ALG13: variants seen among roughly 807,000 people sequenced by gnomAD.
ALG13 encodes ALG13 UDP-N-acetylglucosaminyltransferase subunit.
A neutral mutation model predicts 87.8 loss-of-function variants in ALG13; 11 were observed. That is an observed-to-expected ratio of 0.13 (90% CI 0.08 to 0.21). The LOEUF is 0.21. Ranked by LOEUF, ALG13 falls within the 10% of genes least tolerant of loss-of-function variation. ALG13 has a pLI of 1.00. For synonymous variants in ALG13, 320 were observed against 306.3 expected, an observed-to-expected ratio of 1.04 and a Z score of -0.47; for missense variants, 756 against 866.1, an observed-to-expected ratio of 0.87 and a Z score of 1.60.
chrX:111,719,524 A>T (rs924405757), intron 10 of ALG13, among the ~76,000 whole-genome samples: 2 of 112,204 alleles, frequency 1.8e-5, no homozygotes, highest in Non-Finnish European at 3.8e-5. Context: ...AAAACAGCAC[A>T]TTTTTCTCAC....
chrX:111,751,164 G>A (rs780322343), intron 24 of ALG13, among the ~76,000 whole-genome samples: 6 of 105,797 alleles, frequency 5.7e-5, no homozygotes, highest in Non-Finnish European at 1.2e-4. Flanking sequence ...CACCTCCCAG[G>A]TTCAAGTGAT....
At chrX:111,757,886 T>C in intron 26 of ALG13, 124 bp downstream of exon 26, 1 of 651,718 alleles carries the variant, frequency 1.5e-6, no homozygotes, top group East Asian at 3.6e-5. Flanking sequence ...AAGCATGATA[T>C]GTGGACCTCT....
intron 24 of ALG13, among the ~76,000 whole-genome samples, chrX:111,748,096 T>C (rs1161095946): frequency 8.9e-6 from 1 of 112,465 alleles, no homozygotes; most frequent in Non-Finnish European, 1.9e-5. Context: ...TATATATCTT[T>C]GGTGAAACAT....
intron 24 of ALG13, among the ~76,000 whole-genome samples, chrX:111,745,453 G>T (rs772698247): frequency 3.6e-5 from 4 of 110,637 alleles, no homozygotes; most frequent in Non-Finnish European, 7.6e-5. Context: ...TTTCTCAAGA[G>T]AATTATAGTT....
At chrX:111,733,147 T>C (rs1162220678) in intron 21 of ALG13, among the ~76,000 whole-genome samples, 2 of 111,710 alleles carry the variant, frequency 1.8e-5, no homozygotes, top group Non-Finnish European at 3.8e-5. Context: ...TAATTTTTAA[T>C]TTCAATAGGT....
intron 19 of ALG13, among the ~76,000 whole-genome samples, chrX:111,730,117 A>C (rs1345677621): frequency 1.8e-5 from 2 of 112,294 alleles, no homozygotes; most frequent in Non-Finnish European, 3.8e-5. Context: ...CTGTAGCCTC[A>C]CTGGAAAAAT....
chrX:111,700,579 T>G, intron 3 of ALG13, among the ~76,000 whole-genome samples: 1 of 106,210 alleles, frequency 9.4e-6, no homozygotes, highest in East Asian at 3.0e-4. Context: ...TTTTTTGTTT[T>G]TTTTTGTTTT....
chrX:111,705,772 T>C (rs1312181471), intron 3 of ALG13, among the ~76,000 whole-genome samples: 2 of 111,209 alleles, frequency 1.8e-5, no homozygotes, highest in Non-Finnish European at 3.8e-5. Context: ...TTTGTGTGGA[T>C]CTACTTCTGT....
Position 111,727,370 on chromosome X carries a change from G to T in ALG13, c.2015G>T (p.Gly672Val). ...TTTATAAACAGGCACAACATGCCGG[G>T]CCCTAAAGTTGATTTTTACCCAGGC... ...SRFINRHNMP[G>V]PKVDFYPGPG... Residue 672 changes from glycine to valine, a missense_variant, in exon 17 of 27, where the codon GGC (glycine) becomes GTC (valine). Gly to Val is a moderately radical substitution (Grantham distance 109). Around this residue, in one of 9 missense-constraint regions of ALG13, gnomAD observed 362 missense variants for 383.5 expected, o/e 0.94. Transcript: ENST00000394780. 1 of 1,209,849 alleles carries T rather than the reference G, an allele frequency of 8.3e-7. No individual in the cohort carries two copies. The highest frequency in any genetic ancestry group is 1.1e-6 in the Non-Finnish European group (1 of 894,428).
At chrX:111,697,377 G>A in intron 3 of ALG13, among the ~76,000 whole-genome samples, 1 of 111,669 alleles carries the variant, frequency 9.0e-6, no homozygotes. Context: ...TTCTAGAGCA[G>A]TGGTTTTCAA....
chrX:111,723,123 T>A (rs1788626271), intron 13 of ALG13, among the ~76,000 whole-genome samples: 1 of 107,958 alleles, frequency 9.3e-6, no homozygotes, highest in South Asian at 4.1e-4. Flanking sequence ...GCCTGGCTAA[T>A]TTTTTTTATT....
chrX:111,695,353 G>A (rs892405148), intron 3 of ALG13, among the ~76,000 whole-genome samples: 2 of 110,380 alleles, frequency 1.8e-5, no homozygotes, highest in African/African-American at 3.3e-5. Flanking sequence ...GAGAAACCCC[G>A]TCTCTACTAA....
rs1241055923 is a variant in ALG13, at chrX:111,727,338, A to G, written c.1983A>G (p.Ser661=). The G allele has an allele frequency of 2.5e-6, 3 of 1,202,084 alleles. No individual in the cohort carries two copies. The highest frequency in any genetic ancestry group is 1.8e-5 in the African/African-American group (1 of 56,990). The part of the protein sequence containing the change: ...QGRGYGMPRN[S]SRFINRHNMP... ...CCTTTCTCTTTATTCTTAGGAATTC[A>G]TCTCGGTTTATAAACAGGCACAACA... Residue 661 remains serine (S), a synonymous_variant, in exon 17 of 27, where the codon TCA becomes TCG. Transcript: ENST00000394780.
At chrX:111,690,399 T>G in intron 3 of ALG13, 2 of 751,938 alleles carry the variant, frequency 2.7e-6, no homozygotes, top group Non-Finnish European at 3.1e-6. Context: ...TTGGAGTAGA[T>G]GAAAAGAGAT....
At chrX:111,729,026 A>AAC (rs747338054) in intron 19 of ALG13, among the ~76,000 whole-genome samples, 12 of 111,887 alleles carry the variant, frequency 1.1e-4, no homozygotes, top group Non-Finnish European at 1.9e-4. Flanking sequence ...GCATACCATC[A>AAC]ACACAATTAA....
At chrX:111,747,547 C>T (rs1011312882) in intron 24 of ALG13, among the ~76,000 whole-genome samples, 3 of 111,338 alleles carry the variant, frequency 2.7e-5, no homozygotes, top group Non-Finnish European at 5.7e-5. Context: ...AATGCAGTGG[C>T]GTGATCTCAG....
At chrX:111,688,912 C>G (rs1935625408) in intron 3 of ALG13, 1 of 748,061 alleles carries the variant, frequency 1.3e-6, no homozygotes, top group Middle Eastern at 7.7e-4. Flanking sequence ...GTGTCCATAG[C>G]TCTCTGGTAC....
rs181823015 is a variant in ALG13, at chrX:111,757,014, T to G, written c.2974-574T>G. ...GAGATGCTGAATAGATATTTCAGTATTTTTCTTATTAGAAATCATAGTGTC... is the reference window on the plus strand; with the variant it reads ...GAGATGCTGAATAGATATTTCAGTAGTTTTCTTATTAGAAATCATAGTGTC... On this transcript the variant is annotated intron_variant, in intron 25 of 26. Transcript: ENST00000394780. Among the ~76,000 whole-genome samples, 6 of 112,089 alleles carry G rather than the reference T, an allele frequency of 5.4e-5. No homozygotes were observed. The Admixed American group carries it at 5.7e-4, about 11-fold the overall frequency.
intron 23 of ALG13, among the ~76,000 whole-genome samples, chrX:111,739,651 A>G (rs1943578189): frequency 8.9e-6 from 1 of 112,445 alleles, no homozygotes; most frequent in Non-Finnish European, 1.9e-5. Context: ...TGAACCAGCA[A>G]TTTTGTATCC....
Sources: allele counts gnomAD v4.1 joint callset (sites outside exome capture counted in the v4.1 genomes callset), GRCh38; gene constraint gnomAD v4.1.1; regional missense constraint gnomAD v4.1.1; transcripts MANE v1.5; gene names NCBI Gene and HGNC (gene_info 2026-07-23, HGNC 2026-07-21).